Variants in PRKN observed in about 807,000 individuals in gnomAD.
The protein encoded by PRKN is E3 ubiquitin-protein ligase parkin.
Under a neutral mutation model 59.5 loss-of-function variants are expected in PRKN, and 56 were observed. The observed-to-expected ratio is 0.94, with a 90% confidence interval of 0.76 to 1.18. PRKN has a LOEUF of 1.18. PRKN is among the 50% of genes most tolerant of loss of function. The pLI, the probability that PRKN is intolerant of heterozygous loss-of-function variation, is 0.00. For missense variants in PRKN, 657 were observed against 596.4 expected, an observed-to-expected ratio of 1.10 and a Z score of -1.06; for synonymous variants, 250 against 222.1, an observed-to-expected ratio of 1.13 and a Z score of -1.12.
At chr6:162,122,046 A>T (rs1780936471) in intron 4 of PRKN, among the ~76,000 whole-genome samples, 1 of 152,186 alleles carries the variant, frequency 6.6e-6, no homozygotes, top group South Asian at 2.1e-4. Flanking sequence ...TGAATCCTCA[A>T]AACTGAGTCT....
At chr6:162,174,541 T>C (rs1456329135) in intron 4 of PRKN, among the ~76,000 whole-genome samples, 2 of 30,500 alleles carry the variant, frequency 6.6e-5, no homozygotes, top group Non-Finnish European at 2.7e-4. Flanking sequence ...CTTCCAATGA[T>C]ATGAAACACA....
At chr6:161,747,564 C>T (rs1788485413) in intron 7 of PRKN, among the ~76,000 whole-genome samples, 1 of 152,072 alleles carries the variant, frequency 6.6e-6, no homozygotes, top group South Asian at 2.1e-4. Context: ...TTAATTGAAA[C>T]AATTAACTGT....
At chr6:161,435,566 T>G (rs1449062300) in intron 9 of PRKN, among the ~76,000 whole-genome samples, 1 of 151,918 alleles carries the variant, frequency 6.6e-6, no homozygotes, top group Non-Finnish European at 1.5e-5. Flanking sequence ...GTCATTGCTA[T>G]CCCCGTTTTA....
At chr6:161,756,282 G>A (rs1483246620) in intron 7 of PRKN, among the ~76,000 whole-genome samples, 3 of 151,468 alleles carry the variant, frequency 2.0e-5, no homozygotes, top group Non-Finnish European at 2.9e-5. Flanking sequence ...TCTCTGCTAC[G>A]AGTACAAAAA....
intron 3 of PRKN, among the ~76,000 whole-genome samples, chr6:162,227,866 T>C (rs563559423): frequency 2.6e-5 from 4 of 152,078 alleles, no homozygotes; most frequent in South Asian, 4.2e-4. Context: ...TGTTCCTCTA[T>C]TGAAATTTGG....
In PRKN at chr6:161,459,409, T is replaced by C. The variant is rs2115157265; in HGVS notation, c.1084-72532A>G. On this transcript the variant is annotated intron_variant, in intron 9 of 11. Transcript: ENST00000366898. The surrounding 1 kb of genome is among the most constrained non-coding windows in gnomAD (Gnocchi z 4.8). ...AGTTTACTTTTGAGAAAGTCCAAGC[T>C]GTGCACATGTTGAAATAAATCAGAG... is the stretch of plus-strand genomic sequence containing the variant. 6.6e-6 allele frequency among the ~76,000 whole-genome samples: 1 copy of C among 152,360 alleles called. No homozygotes were observed. Among genetic ancestry groups the C allele is most frequent in the African/African-American group, 2.4e-5 (1 of 41,588 alleles).
chr6:162,691,491 T>C (rs1777773198), intron 1 of PRKN, among the ~76,000 whole-genome samples: 1 of 152,150 alleles, frequency 6.6e-6, no homozygotes, highest in South Asian at 2.1e-4. Flanking sequence ...ATAGTCAATA[T>C]TTATATGTAC....
intron 1 of PRKN, among the ~76,000 whole-genome samples, chr6:162,473,162 T>TGCGGA (rs1791841183): frequency 6.6e-6 from 1 of 152,170 alleles, no homozygotes; most frequent in African/African-American, 2.4e-5. Flanking sequence ...TGTTATCTAC[T>TGCGGA]CTGAAGTCAT....
In PRKN at chr6:161,360,636, G is replaced by A. The variant is rs1226013194; in HGVS notation, c.1168-431C>T. On this transcript the variant is annotated intron_variant, in intron 10 of 11. Coordinates refer to ENST00000366898, the MANE Select transcript of PRKN (RefSeq NM_004562.3). The surrounding 1 kb of genome is among the most constrained non-coding windows in gnomAD (Gnocchi z 5.1). ...CATGGCCCAAAGCTGGTAAGTGGGA[G>A]TATCAGTGTGACTCTGGAATCTTTG... is the stretch of plus-strand genomic sequence containing the variant. 6.6e-6 allele frequency among the ~76,000 whole-genome samples: 1 copy of A among 152,226 alleles called. No homozygotes were observed. The highest frequency in any genetic ancestry group is 1.5e-5 in the Non-Finnish European group (1 of 68,044).
At position 162,289,525 on chromosome 6, in the gene PRKN, CG is replaced by C. The variant is rs1194587291; in HGVS notation, c.172-26761del. 3.9e-5 allele frequency among the ~76,000 whole-genome samples: 6 copies of C among 151,914 alleles called. No homozygotes were observed. In the East Asian group the frequency reaches 1.2e-3, roughly 30 times the overall value. On this transcript the variant is annotated intron_variant, in intron 2 of 11. Transcript: ENST00000366898. ...GACCATGGCCAACATGATGAAAACC[CG>C]TCTCTACTGAAAATACAAAAATTAG...
chr6:162,070,156 CT>C (rs1778514447), intron 4 of PRKN, among the ~76,000 whole-genome samples: 1 of 152,226 alleles, frequency 6.6e-6, no homozygotes. Flanking sequence ...AACTGCAGAA[CT>C]GTTTCCCAAC....
intron 2 of PRKN, among the ~76,000 whole-genome samples, chr6:162,346,071 G>A (rs912060993): frequency 1.3e-5 from 2 of 152,192 alleles, no homozygotes; most frequent in South Asian, 2.1e-4. Context: ...CCATTGCCAC[G>A]TTCTAGGACA....
intron 5 of PRKN, among the ~76,000 whole-genome samples, chr6:162,030,796 T>G (rs1217936555): frequency 2.0e-5 from 3 of 152,130 alleles, no homozygotes; most frequent in Non-Finnish European, 4.4e-5. Context: ...AATTTGTGGA[T>G]GTACAGGTGA....
At chr6:162,403,188 C>T (rs927293676) in intron 2 of PRKN, among the ~76,000 whole-genome samples, 4 of 152,142 alleles carry the variant, frequency 2.6e-5, no homozygotes, top group African/African-American at 9.7e-5. Flanking sequence ...GGCCCAACAC[C>T]ATCTGGCGCC....
chr6:162,690,626 A>C (rs1173907424), intron 1 of PRKN, among the ~76,000 whole-genome samples: 1 of 152,236 alleles, frequency 6.6e-6, no homozygotes, highest in Non-Finnish European at 1.5e-5. Flanking sequence ...GTTCCTGATA[A>C]CAGTAGATAA....
At position 161,355,570 on chromosome 6, in the gene PRKN, T is replaced by A. The variant is rs1784715782; in HGVS notation, c.1285+4518A>T. Among the ~76,000 whole-genome samples, 1 of 151,860 alleles carries A rather than the reference T, an allele frequency of 6.6e-6. No homozygotes were observed. The highest frequency in any genetic ancestry group is 1.5e-5 in the Non-Finnish European group (1 of 67,948). On this transcript the variant is annotated intron_variant, in intron 11 of 11. Transcript: ENST00000366898. This position sits in a 1 kb window ranked among gnomAD's most constrained non-coding sequence, Gnocchi z 6.8. ...GTGCCTGCCACCACACCTAGCTATT[T>A]TTTTTTTGTATTTTTACTAGAGACA...
chr6:162,362,143 T>C (rs573435159), intron 2 of PRKN, among the ~76,000 whole-genome samples: 1 of 152,316 alleles, frequency 6.6e-6, no homozygotes, highest in African/African-American at 2.4e-5. Context: ...AAAATTATGG[T>C]TCAGTAGATA....
intron 9 of PRKN, among the ~76,000 whole-genome samples, chr6:161,416,403 T>A (rs1787853692): frequency 6.6e-6 from 1 of 152,078 alleles, no homozygotes; most frequent in Admixed American, 6.5e-5. Flanking sequence ...CACTGACGCC[T>A]CCCAGTGCCT....
intron 2 of PRKN, among the ~76,000 whole-genome samples, chr6:162,338,534 G>A (rs897978076): frequency 2.6e-5 from 4 of 152,288 alleles, no homozygotes; most frequent in South Asian, 2.1e-4. Flanking sequence ...GATTGCAGAC[G>A]GAGTCTCCTT....
Sources: gnomAD v4.1 joint callset for allele counts (sites outside exome capture counted in the v4.1 genomes callset) on GRCh38, gnomAD v4.1.1 for gene constraint, Gnocchi (gnomAD v3.1) non-coding constraint, MANE v1.5 for transcripts, NCBI Gene and HGNC (gene_info 2026-07-23, HGNC 2026-07-21) for gene names.